Variants in BAHCC1 observed in about 807,000 individuals in gnomAD.
The protein encoded by BAHCC1 is BAH domain and coiled-coil containing 1, also known as BAH and coiled-coil domain-containing protein 1.
BAHCC1 carries 43 observed loss-of-function variants against 88.2 expected under a neutral mutation model. The observed-to-expected ratio is 0.49, with a 90% CI of 0.38 to 0.63. The LOEUF (loss-of-function observed/expected upper bound fraction) is 0.63. BAHCC1 is among the 20% of genes least tolerant of loss of function. BAHCC1 has a pLI of 0.00. For synonymous variants in BAHCC1, 1,510 were observed against 745.5 expected, an observed-to-expected ratio of 2.03 and a Z score of -16.71; for missense variants, 3,023 against 1,654.8, an observed-to-expected ratio of 1.83 and a Z score of -14.34.
chr17:81,441,739 G>T, intron 4 of BAHCC1, 92 bp from the exon 5 acceptor site: 1 of 488,018 alleles, frequency 2.0e-6, no homozygotes, highest in Non-Finnish European at 3.7e-6. Flanking sequence ...GCCAGCTGGT[G>T]TCCGGGAGGC....
At chr17:81,452,159 C>T (rs1425354932) in intron 13 of BAHCC1, 52 bp downstream of exon 13, 2 of 230,170 alleles carry the variant, frequency 8.7e-6, no homozygotes, top group South Asian at 4.9e-5. Flanking sequence ...CCCCCACCCC[C>T]GGGAGGCGCC....
rs1555657937 is a variant in BAHCC1, at chr17:81,458,267, C to T, written c.5144C>T (p.Pro1715Leu). The T allele has an allele frequency of 1.3e-6, 1 of 746,618 alleles. No homozygotes were observed. The highest frequency in any genetic ancestry group is 2.5e-6 in the Non-Finnish European group (1 of 402,388). 46.2% of individuals were successfully genotyped at this position (746,618 alleles called of 1,614,324 possible). A position where few individuals can be genotyped will look rare whatever the true frequency, so the allele number is the denominator to read the frequency against. ...TTLERAPGQR[P>L]PGALGKKKAK... is the part of the protein sequence containing the mutation. ...CTGGAGCGGGCCCCAGGGCAGAGGCCCCCAGGTGCGCTGGGCAAGAAGAAA... is the reference window on the plus strand; with the variant it reads ...CTGGAGCGGGCCCCAGGGCAGAGGCTCCCAGGTGCGCTGGGCAAGAAGAAA... The change falls in exon 18 of 28, where the codon CCC (proline) becomes CTC (leucine). Residue 1715 changes from proline (P) to leucine (L), a missense_variant. Physicochemically the swap from Pro to Leu is moderately conservative, Grantham distance 98 (BLOSUM62 -3). Coordinates refer to ENST00000675386, the MANE Select transcript of BAHCC1 (RefSeq NM_001377448.1).
At chr17:81,449,387 A>C (rs565030356) in intron 11 of BAHCC1, among the ~76,000 whole-genome samples, 10 of 151,648 alleles carry the variant, frequency 6.6e-5, no homozygotes, top group African/African-American at 2.2e-4. Context: ...ACTTCAATTG[A>C]AATTAATTAG....
At chr17:81,446,861 C>G in intron 10 of BAHCC1, 175 bp from the exon 11 acceptor site, 2 of 669,746 alleles carry the variant, frequency 3.0e-6, no homozygotes, top group Admixed American at 2.1e-5. Flanking sequence ...CCAGGTTGCC[C>G]CCTTAATTAA....
chr17:81,397,413 C>A (rs1365617088), intron 1 of BAHCC1, among the ~76,000 whole-genome samples: 16 of 142,908 alleles, frequency 1.1e-4, no homozygotes, highest in South Asian at 4.5e-4. Context: ...AAAAAAAAAA[C>A]AACCACAAAA....
rs1368245943 is a variant in BAHCC1 at position 81,399,848 on chromosome 17, G to A, written c.109G>A (p.Ala37Thr). Residue 37 changes from alanine (A) to threonine (T), a missense_variant, in exon 2 of 28, where the codon GCG becomes ACG. Ala to Thr is a moderately conservative substitution (Grantham distance 58). Coordinates refer to ENST00000675386, the MANE Select transcript of BAHCC1 (RefSeq NM_001377448.1). This position sits in a 1 kb window ranked among gnomAD's most constrained non-coding sequence, Gnocchi z 4.5. ...AARLAPAGPAAQPPAHFQPGK... is the reference protein window; with the variant it reads ...AARLAPAGPATQPPAHFQPGK... ...GCGTCTCGCCCCGGCTGGGCCCGCC[G>A]CGCAGCCCCCCGCACACTTCCAGCC... is the stretch of plus-strand genomic sequence containing the variant. 5 of 1,385,518 alleles carry A rather than the reference G, an allele frequency of 3.6e-6. No individual in the cohort carries two copies. The highest frequency in any genetic ancestry group is 2.7e-4 in the Middle Eastern group (1 of 3,750). 85.8% of individuals were successfully genotyped at this position (1,385,518 alleles called of 1,614,324 possible). A position where few individuals can be genotyped will look rare whatever the true frequency, so the allele number is the denominator to read the frequency against.
intron 3 of BAHCC1, among the ~76,000 whole-genome samples, chr17:81,430,011 C>G (rs951695262): frequency 1.3e-4 from 20 of 152,324 alleles, no homozygotes; most frequent in Non-Finnish European, 2.6e-4. Flanking sequence ...TGTTCAGCTC[C>G]TCCCGGCCCG....
chr17:81,441,198 A>G (rs2064408748), intron 4 of BAHCC1, among the ~76,000 whole-genome samples: 1 of 152,120 alleles, frequency 6.6e-6, no homozygotes, highest in Non-Finnish European at 1.5e-5. Flanking sequence ...ATGGGGGCAG[A>G]GGGTGAGTGT....
intron 3 of BAHCC1, among the ~76,000 whole-genome samples, chr17:81,432,473 C>A (rs907189322): frequency 1.4e-5 from 2 of 145,802 alleles, no homozygotes; most frequent in Non-Finnish European, 1.5e-5. Context: ...TAGCTCCACG[C>A]TCCGAGAACT....
chr17:81,463,410 C>A (rs2030473921), intron 27 of BAHCC1, among the ~76,000 whole-genome samples: 1 of 152,230 alleles, frequency 6.6e-6, no homozygotes, highest in African/African-American at 2.4e-5. Flanking sequence ...CCCAGAGGGT[C>A]CCCGGCAGGT....
chr17:81,425,251 G>GT (rs2064168175), intron 2 of BAHCC1, among the ~76,000 whole-genome samples: 1 of 40,576 alleles, frequency 2.5e-5, no homozygotes, highest in African/African-American at 9.8e-5. Flanking sequence ...GGTGATAGTG[G>GT]TGATGATGTG....
In BAHCC1 at chr17:81,434,917, C is replaced by T. The variant is rs2064315702; in HGVS notation, c.359-3453C>T. Among the ~76,000 whole-genome samples the T allele has an allele frequency of 6.6e-6, 1 of 152,052 alleles. No individual in the cohort carries two copies. Among genetic ancestry groups the T allele is most frequent in the African/African-American group, 2.4e-5 (1 of 41,396 alleles). On this transcript the variant is annotated intron_variant, in intron 3 of 27. Transcript: ENST00000675386. The surrounding 1 kb of genome is among the most constrained non-coding windows in gnomAD (Gnocchi z 4.9). ...GGAGTGGGGGTGCCCGTCAGGCAGC[C>T]AGGGCTGGTGCACCCTGGGTGGGGG... is the stretch of plus-strand genomic sequence containing the variant.
Position 81,442,602 on chromosome 17 carries a change from G to T in BAHCC1, c.1253G>T (p.Gly418Val), listed in dbSNP as rs782550650. ...FQAAEACAVAGEGKDRHLEGT... is the reference protein window; with the variant it reads ...FQAAEACAVAVEGKDRHLEGT... The stretch of plus-strand genomic sequence containing the variant: ...GCCGCCGAGGCCTGTGCCGTGGCAG[G>T]GGAGGGCAAGGACCGGCACCTGGAG... Residue 418 changes from glycine to valine, a missense_variant, in exon 5 of 28, where the codon GGG becomes GTG. Physicochemically the swap from Gly to Val is moderately radical, Grantham distance 109 (BLOSUM62 -3). Transcript: ENST00000675386. 1.3e-6 allele frequency: 1 copy of T among 775,442 alleles called. No homozygotes were observed. The highest frequency in any genetic ancestry group is 1.3e-5 in the South Asian group (1 of 74,158). 48.0% of individuals were successfully genotyped at this position (775,442 alleles called of 1,614,324 possible). A position where few individuals can be genotyped will look rare whatever the true frequency, so the allele number is the denominator to read the frequency against.
At chr17:81,438,619 AG>A (rs1172666534) in intron 4 of BAHCC1, 127 bp downstream of exon 4, 6 of 657,718 alleles carry the variant, frequency 9.1e-6, no homozygotes, top group African/African-American at 8.9e-5. Context: ...CATCGAGGCC[AG>A]GGTGGGGGCT....
intron 2 of BAHCC1, among the ~76,000 whole-genome samples, chr17:81,425,199 GTGA>G (rs1286478628): frequency 6.7e-5 from 3 of 44,946 alleles, no homozygotes; most frequent in African/African-American, 1.9e-4. Flanking sequence ...GATGTGGTTG[GTGA>G]TGATGGTGGG....
intron 10 of BAHCC1, 76 bp from the exon 11 acceptor site, chr17:81,446,960 C>G (rs1452976634): frequency 1.3e-6 from 1 of 757,844 alleles, no homozygotes; most frequent in African/African-American, 1.7e-5. Flanking sequence ...TTCGAGGCCA[C>G]TGTCCTCCGT....
At chr17:81,431,817 G>A in intron 3 of BAHCC1, among the ~76,000 whole-genome samples, 1 of 152,184 alleles carries the variant, frequency 6.6e-6, no homozygotes, top group East Asian at 1.9e-4. Context: ...CCGTGCTTTG[G>A]AGTAGGTGTA....
At chr17:81,401,045 T>C (rs1295594881) in intron 2 of BAHCC1, 3 of 152,272 alleles carry the variant, frequency 2.0e-5, no homozygotes, top group Non-Finnish European at 4.4e-5. Flanking sequence ...TTATTATTGG[T>C]AGCTTGATGA....
Position 81,443,383 on chromosome 17 carries a change from G to A in BAHCC1, c.2034G>A (p.Ser678=), listed in dbSNP as rs562081027. The A allele has an allele frequency of 3.2e-5, 25 of 774,710 alleles. 1 individual carries two copies. The highest frequency in any genetic ancestry group is 1.5e-4 in the South Asian group (11 of 73,930). 48.0% of individuals were successfully genotyped at this position (774,710 alleles called of 1,614,324 possible). The change falls in exon 5 of 28, where the codon TCG becomes TCA. Residue 678 remains serine, a synonymous_variant. Transcript: ENST00000675386. The part of the protein sequence containing the change: ...KFLSSKGPGQ[S]ERPDCARSRE... ...TGTCCTCTAAGGGCCCAGGCCAGTC[G>A]GAGAGGCCGGACTGTGCCCGCAGCA... is the stretch of plus-strand genomic sequence containing the variant.
Sources: allele counts gnomAD v4.1 joint callset (sites outside exome capture counted in the v4.1 genomes callset), GRCh38; gene constraint gnomAD v4.1.1; non-coding constraint Gnocchi (gnomAD v3.1); transcripts MANE v1.5; gene names NCBI Gene and HGNC (gene_info 2026-07-23, HGNC 2026-07-21).